The following KCNMA1 variants were observed in gnomAD, a reference collection of about 807,000 sequenced individuals.
The protein encoded by KCNMA1 is Calcium-activated potassium channel subunit alpha-1.
A neutral mutation model predicts 140.0 loss-of-function variants in KCNMA1; 29 were observed. The ratio of observed to expected loss-of-function variants is 0.21; its 90% CI spans 0.15 to 0.28. KCNMA1 has a LOEUF of 0.28. KCNMA1 is among the 10% of genes least tolerant of loss of function. The probability of loss-of-function intolerance (pLI) is 1.00; values close to 1 mark genes in which losing one functional copy is unlikely to be tolerated. For missense variants in KCNMA1, 880 were observed against 1,602.2 expected, an observed-to-expected ratio of 0.55 and a Z score of 7.70; for synonymous variants, 612 against 611.9, an observed-to-expected ratio of 1.00 and a Z score of 0.00.
intron 14 of KCNMA1, among the ~76,000 whole-genome samples, chr10:77,055,448 T>TTCCCTCCC (rs1451470793): frequency 2.6e-5 from 4 of 151,590 alleles, no homozygotes; most frequent in Non-Finnish European, 5.9e-5. Flanking sequence ...ATCACTGTTT[T>TTCCCTCCC]TCCCTCCCTC....
intron 1 of KCNMA1, among the ~76,000 whole-genome samples, chr10:77,537,099 C>G (rs1029792001): frequency 6.6e-6 from 1 of 152,166 alleles, no homozygotes; most frequent in East Asian, 1.9e-4. Context: ...CGGGACATCA[C>G]CAGTTCCAGT....
At chr10:77,551,891 G>A (rs553277779) in intron 1 of KCNMA1, among the ~76,000 whole-genome samples, 15 of 152,230 alleles carry the variant, frequency 9.9e-5, no homozygotes, top group South Asian at 4.2e-4. Flanking sequence ...AAAGGGGACC[G>A]TACAGTTCTA....
intron 3 of KCNMA1, among the ~76,000 whole-genome samples, chr10:77,218,888 T>C (rs545790519): frequency 7.2e-5 from 11 of 152,248 alleles, no homozygotes; most frequent in Admixed American, 2.0e-4. Flanking sequence ...GATTTCATCA[T>C]GTTGGCCAGG....
At chr10:77,399,396 A>G (rs991523622) in intron 2 of KCNMA1, among the ~76,000 whole-genome samples, 1 of 152,258 alleles carries the variant, frequency 6.6e-6, no homozygotes, top group African/African-American at 2.4e-5. Flanking sequence ...TTTTTTAAAA[A>G]AAGCAAACAT....
intron 12 of KCNMA1, among the ~76,000 whole-genome samples, chr10:77,081,921 TC>T (rs1438824838): frequency 6.6e-6 from 1 of 150,670 alleles, no homozygotes; most frequent in Non-Finnish European, 1.5e-5. Context: ...ACTTCCCACT[TC>T]TTTTTGCAGC....
chr10:77,072,993 G>T (rs940078492), intron 14 of KCNMA1, 104 bp downstream of exon 14: 2 of 1,089,840 alleles, frequency 1.8e-6, no homozygotes, highest in Non-Finnish European at 1.4e-6. Context: ...TAACCCAAGT[G>T]GTTAGAGCCC....
At chr10:77,366,462 C>T (rs952005435) in intron 2 of KCNMA1, among the ~76,000 whole-genome samples, 1 of 152,204 alleles carries the variant, frequency 6.6e-6, no homozygotes, top group Non-Finnish European at 1.5e-5. Flanking sequence ...AGCCACCACG[C>T]CCGGCCACAT....
chr10:77,604,405 T>C lies in KCNMA1; in HGVS notation c.378+32860A>G, dbSNP rs149840357. On this transcript the variant is annotated intron_variant, in intron 1 of 27. Transcript: ENST00000286628. ...CAATCAGCAGGCATGATATTTATTTTAGTTTTTAAAAGTTGTTGGCCAGGC... is the reference window on the plus strand; with the variant it reads ...CAATCAGCAGGCATGATATTTATTTCAGTTTTTAAAAGTTGTTGGCCAGGC... Among the ~76,000 whole-genome samples the C allele has an allele frequency of 4.6e-5, 7 of 152,328 alleles. No individual in the cohort carries two copies. The East Asian group carries it at 1.4e-3, about 29-fold the overall frequency.
At chr10:77,073,350 C>T (rs1485677377) in intron 13 of KCNMA1, 98 bp from the exon 14 acceptor site, 2 of 1,243,226 alleles carry the variant, frequency 1.6e-6, no homozygotes, top group East Asian at 2.4e-5. Flanking sequence ...CCACTCAGGG[C>T]CATCCAGTCT....
At chr10:77,012,469 T>C in intron 17 of KCNMA1, 6 of 1,550,252 alleles carry the variant, frequency 3.9e-6, no homozygotes, top group Non-Finnish European at 5.2e-6. Context: ...GGCAGAAGTA[T>C]GTCGTTTCTC....
At chr10:77,566,056 T>C (rs2673401) in intron 1 of KCNMA1, among the ~76,000 whole-genome samples, 115,370 of 144,624 alleles carry the variant, frequency 0.8, 43,865 homozygotes, top group South Asian at 0.85. Flanking sequence ...TCTATTCACC[T>C]ACTGCACAAA....
In KCNMA1 at chr10:77,279,104, A is replaced by C. The variant is rs189860656; in HGVS notation, c.541-27848T>G. On this transcript the variant is annotated intron_variant, in intron 2 of 27. Coordinates refer to ENST00000286628, the MANE Select transcript of KCNMA1 (RefSeq NM_001161352.2). ...TCTTCACCACCTGCAGCACTGGGAC[A>C]GCAAAGCTGAAGAATCTCATTAAGC... is the stretch of plus-strand genomic sequence containing the variant. Among the ~76,000 whole-genome samples the C allele has an allele frequency of 1.8e-4, 28 of 152,354 alleles. 2 individuals are homozygous for C. The East Asian group carries it at 5.4e-3, about 29-fold the overall frequency.
intron 19 of KCNMA1, among the ~76,000 whole-genome samples, chr10:76,976,365 C>A (rs549896703): frequency 6.6e-5 from 10 of 152,160 alleles, no homozygotes; most frequent in African/African-American, 2.4e-4. Flanking sequence ...GCCTAGGAAA[C>A]CTGAATTGTG....
chr10:77,103,106 T>C (rs935700008), intron 9 of KCNMA1, among the ~76,000 whole-genome samples: 2 of 152,224 alleles, frequency 1.3e-5, no homozygotes, highest in Admixed American at 1.3e-4. Flanking sequence ...TGTTCTCAAC[T>C]ATTGAATACT....
chr10:77,382,988 G>GTATATATATATATA (rs2095470217), intron 2 of KCNMA1, among the ~76,000 whole-genome samples: 3 of 44,958 alleles, frequency 6.7e-5, no homozygotes, highest in African/African-American at 4.2e-4. Flanking sequence ...GTGTGTGTGT[G>GTATATATATATATA]TGTGTGTATA....
chr10:77,356,422 G>T (rs1476257445), intron 2 of KCNMA1, among the ~76,000 whole-genome samples: 3 of 152,190 alleles, frequency 2.0e-5, no homozygotes, highest in Admixed American at 2.0e-4. Flanking sequence ...AAGCCTGGAG[G>T]ATAGAAATAA....
At chr10:77,202,780 A>G (rs1475810983) in intron 3 of KCNMA1, among the ~76,000 whole-genome samples, 3 of 152,184 alleles carry the variant, frequency 2.0e-5, no homozygotes, top group Non-Finnish European at 4.4e-5. Context: ...CACACTCTCT[A>G]CTAAAATAAG....
intron 22 of KCNMA1, among the ~76,000 whole-genome samples, chr10:76,947,036 T>C (rs1181771211): frequency 6.6e-6 from 1 of 152,174 alleles, no homozygotes. Context: ...TGAGTGAACG[T>C]GTACAAGGGC....
At chr10:77,601,956 G>T (rs1034318174) in intron 1 of KCNMA1, among the ~76,000 whole-genome samples, 4 of 152,114 alleles carry the variant, frequency 2.6e-5, no homozygotes, top group Non-Finnish European at 5.9e-5. Flanking sequence ...CCTTGATTTC[G>T]AGAAGAGCCA....
Sources: allele counts gnomAD v4.1 joint callset (sites outside exome capture counted in the v4.1 genomes callset), GRCh38; gene constraint gnomAD v4.1.1; transcripts MANE v1.5; gene names NCBI Gene and HGNC (gene_info 2026-07-23, HGNC 2026-07-21).